SMG6: variants seen among roughly 807,000 people sequenced by gnomAD.
SMG6 encodes telomerase-binding protein EST1A.
In SMG6, 66 loss-of-function variants were observed where a neutral mutation model predicts 142.2. The ratio of observed to expected loss-of-function variants is 0.46; its 90% CI spans 0.38 to 0.57. SMG6 has a LOEUF of 0.57. Among genes scored for constraint, SMG6 ranks in the 20% least tolerant of loss-of-function variants. The pLI is 0.00. For synonymous variants in SMG6, 779 were observed against 702.4 expected, an observed-to-expected ratio of 1.11 and a Z score of -1.72; for missense variants, 1,793 against 1,832.0, an observed-to-expected ratio of 0.98 and a Z score of 0.39.
chr17:2,294,640 G>T (rs1019160387), intron 4 of SMG6, among the ~76,000 whole-genome samples: 1 of 152,110 alleles, frequency 6.6e-6, no homozygotes, highest in African/African-American at 2.4e-5. Context: ...TTCAGCGTTA[G>T]TTTAACTATG....
At chr17:2,228,599 G>A (rs1278820636) in intron 10 of SMG6, among the ~76,000 whole-genome samples, 1 of 151,524 alleles carries the variant, frequency 6.6e-6, no homozygotes, top group Non-Finnish European at 1.5e-5. Context: ...CTGGCCTCAA[G>A]TGATCTGCCC....
At chr17:2,078,758 T>C (rs1338175851) in intron 15 of SMG6, among the ~76,000 whole-genome samples, 1 of 151,708 alleles carries the variant, frequency 6.6e-6, no homozygotes, top group Non-Finnish European at 1.5e-5. Flanking sequence ...AAAAGAATGG[T>C]GGTGAGGAAG....
In SMG6 at chr17:2,061,163, C is replaced by T; in HGVS notation, c.*329G>A. 1 of 248,302 alleles carries T rather than the reference C, an allele frequency of 4.0e-6. No individual in the cohort carries two copies. The highest frequency in any genetic ancestry group is 4.9e-5 in the Admixed American group (1 of 20,412). The allele number at this position is 248,302 out of a possible 1,614,324, so 15.4% of individuals were successfully genotyped here. ...TGCGTCCCCAGGCGAGAAGGCCCTC[C>T]CTCAGCCTTGGAATGAGACGGGGGA... On this transcript the variant is annotated 3_prime_UTR_variant, in exon 19 of 19. Coordinates refer to ENST00000263073, the MANE Select transcript of SMG6 (RefSeq NM_017575.5).
intron 10 of SMG6, among the ~76,000 whole-genome samples, chr17:2,189,860 T>C (rs115002080): frequency 6.6e-6 from 1 of 152,110 alleles, no homozygotes; most frequent in Admixed American, 6.5e-5. Flanking sequence ...GGGTAGTAAT[T>C]CTTTGATTGT....
intron 13 of SMG6, among the ~76,000 whole-genome samples, chr17:2,143,577 A>G (rs1418395204): frequency 6.6e-6 from 1 of 152,184 alleles, no homozygotes; most frequent in Non-Finnish European, 1.5e-5. Flanking sequence ...GGCTAGGAAG[A>G]AGGGAAAATG....
intron 13 of SMG6, among the ~76,000 whole-genome samples, chr17:2,153,345 A>T (rs1216423331): frequency 6.6e-6 from 1 of 152,200 alleles, no homozygotes; most frequent in Non-Finnish European, 1.5e-5. Context: ...GACAGAAAAC[A>T]TCAGAAGTTG....
chr17:2,296,305 A>G (rs2075141158), intron 4 of SMG6, among the ~76,000 whole-genome samples: 1 of 152,020 alleles, frequency 6.6e-6, no homozygotes, highest in African/African-American at 2.4e-5. Flanking sequence ...CTTTTGCTGG[A>G]CCCTCTATCT....
intron 12 of SMG6, among the ~76,000 whole-genome samples, chr17:2,177,314 A>C (rs539045093): frequency 3.3e-5 from 5 of 152,304 alleles, no homozygotes; most frequent in African/African-American, 1.2e-4. Context: ...AGAACTCAGA[A>C]AGGCAGTCTG....
chr17:2,204,487 C>G (rs114453075), intron 10 of SMG6, among the ~76,000 whole-genome samples: 3 of 152,156 alleles, frequency 2.0e-5, no homozygotes, highest in Non-Finnish European at 2.9e-5. Context: ...TGACTTCATC[C>G]AACCCCACCC....
chr17:2,280,644 G>C, intron 8 of SMG6: 2 of 952,356 alleles, frequency 2.1e-6, no homozygotes, highest in Non-Finnish European at 2.5e-6. Context: ...GAAAATTAAG[G>C]GTAATAGTTA....
At chr17:2,298,245 GAA>G (rs2075187806) in intron 2 of SMG6, among the ~76,000 whole-genome samples, 190 bp from the exon 3 acceptor site, 1 of 152,100 alleles carries the variant, frequency 6.6e-6, no homozygotes, top group Middle Eastern at 3.2e-3. Flanking sequence ...TTGTGTCTAG[GAA>G]AATAGTTTTT....
intron 8 of SMG6, among the ~76,000 whole-genome samples, chr17:2,250,281 C>T (rs1302442719): frequency 6.6e-6 from 1 of 152,020 alleles, no homozygotes; most frequent in Non-Finnish European, 1.5e-5. Flanking sequence ...ATTTTAAGGA[C>T]AGTAAGGGTA....
chr17:2,082,771 A>G (rs1307776744), intron 14 of SMG6, among the ~76,000 whole-genome samples: 2 of 152,216 alleles, frequency 1.3e-5, no homozygotes, highest in African/African-American at 4.8e-5. Context: ...CAGCTGCCCA[A>G]GATAGCTTCC....
rs2232488 is a variant in SMG6 at position 2,065,609 on chromosome 17, C to G, written c.3906G>C (p.Val1302=). The G allele has an allele frequency of 0.013, 21,152 of 1,614,088 alleles. 192 individuals are homozygous for G. The highest frequency in any genetic ancestry group is 0.015 in the Non-Finnish European group (18,095 of 1,180,040). ...TDHRAGGYAR[V]VQEKARKSIE... is the part of the protein sequence containing the mutation. Reference sequence around the variant, plus strand: ...TGGACTTGCGGGCCTTCTCTTGTACCACACGGGCGTAGCCCCCAGCCCGGT... The same window carrying G: ...TGGACTTGCGGGCCTTCTCTTGTACGACACGGGCGTAGCCCCCAGCCCGGT... The change falls in exon 17 of 19, where the codon GTG becomes GTC. Residue 1302 remains valine, a synonymous_variant. Transcript: ENST00000263073.
chr17:2,147,264 G>A (rs2070698214), intron 13 of SMG6, among the ~76,000 whole-genome samples: 1 of 152,078 alleles, frequency 6.6e-6, no homozygotes, highest in African/African-American at 2.4e-5. Context: ...GTGGTGGTGG[G>A]TGACTGTAAT....
chr17:2,299,471 C>A lies in SMG6; in HGVS notation c.1282G>T (p.Ala428Ser). The change falls in exon 2 of 19, where the codon GCG (alanine) becomes TCG (serine). Residue 428 changes from alanine to serine, a missense_variant. Transcript: ENST00000263073. The surrounding 1 kb of genome is among the most constrained non-coding windows in gnomAD (Gnocchi z 4.3). The stretch of plus-strand genomic sequence containing the variant: ...AACAAAAGCCGAGGTCCCAAAGGCG[C>A]GGACTCTGGAGAACCTGCTGAATTG... ...SVNSAGSPESAPLGPRLLFGS... is the reference protein window; with the variant it reads ...SVNSAGSPESSPLGPRLLFGS... The A allele has an allele frequency of 6.2e-7, 1 of 1,614,156 alleles. No homozygotes were observed. The highest frequency in any genetic ancestry group is 1.1e-5 in the South Asian group (1 of 91,076).
intron 13 of SMG6, among the ~76,000 whole-genome samples, chr17:2,114,223 T>C (rs2069427593): frequency 6.6e-6 from 1 of 152,158 alleles, no homozygotes; most frequent in South Asian, 2.1e-4. Context: ...TGAGCCTAGA[T>C]TGCGCCATTG....
At chr17:2,266,895 C>G (rs2074433450) in intron 8 of SMG6, among the ~76,000 whole-genome samples, 1 of 152,168 alleles carries the variant, frequency 6.6e-6, no homozygotes, top group African/African-American at 2.4e-5. Flanking sequence ...TTGCAACCCA[C>G]CTCACATTAT....
intron 12 of SMG6, among the ~76,000 whole-genome samples, chr17:2,177,405 A>G (rs2071682507): frequency 1.4e-5 from 1 of 71,974 alleles, no homozygotes; most frequent in East Asian, 2.3e-4. Context: ...AGAGAGTCTG[A>G]AAAGAGTGGA....
Sources: allele counts gnomAD v4.1 joint callset (sites outside exome capture counted in the v4.1 genomes callset), GRCh38; gene constraint gnomAD v4.1.1; non-coding constraint Gnocchi (gnomAD v3.1); transcripts MANE v1.5; gene names NCBI Gene and HGNC (gene_info 2026-07-23, HGNC 2026-07-21).